ZSCAN25: variants seen among roughly 807,000 people sequenced by gnomAD.
ZSCAN25 encodes the protein zinc finger and SCAN domain containing 25.
A neutral mutation model predicts 38.7 loss-of-function variants in ZSCAN25; 27 were observed. The ratio of observed to expected loss-of-function variants is 0.70; its 90% CI spans 0.51 to 0.96. The LOEUF is 0.96. Among genes scored for constraint, ZSCAN25 ranks in the 40% least tolerant of loss-of-function variants. ZSCAN25 has a pLI of 0.00. For synonymous variants in ZSCAN25, 273 were observed against 277.7 expected, an observed-to-expected ratio of 0.98 and a Z score of 0.17; for missense variants, 637 against 705.9, an observed-to-expected ratio of 0.90 and a Z score of 1.11.
the ZSCAN25 span, among the ~76,000 whole-genome samples, chr7:99,642,231 C>T: frequency 6.6e-6 from 1 of 152,236 alleles, no homozygotes; most frequent in South Asian, 2.1e-4. Context: ...TCCAGTTCCT[C>T]TCCTCTTGAA....
chr7:99,705,579 C>T, the ZSCAN25 span: 25 of 1,613,132 alleles, frequency 1.5e-5, no homozygotes, highest in East Asian at 1.1e-4. Context: ...TCCTCCAAAG[C>T]GTAATTTCAG....
At chr7:99,655,191 C>T in the ZSCAN25 span, among the ~76,000 whole-genome samples, 9 of 152,140 alleles carry the variant, frequency 5.9e-5, no homozygotes, top group African/African-American at 2.2e-4. Context: ...AGGTTTTCTT[C>T]TAGGGTTTTT....
At chr7:99,649,135 G>A in the ZSCAN25 span, among the ~76,000 whole-genome samples, 1 of 152,130 alleles carries the variant, frequency 6.6e-6, no homozygotes, top group African/African-American at 2.4e-5. Context: ...AGCCTGAGAT[G>A]CCTGAGAGCT....
At position 99,632,081 on chromosome 7, in the gene ZSCAN25, C is replaced by T; in HGVS notation, c.*2061C>T. 2.0e-6 allele frequency: 2 copies of T among 985,388 alleles called. No homozygotes were observed. Among genetic ancestry groups the T allele is most frequent in the African/African-American group, 3.5e-5 (2 of 57,326 alleles). 61.0% of individuals were successfully genotyped at this position (985,388 alleles called of 1,614,324 possible). A position where few individuals can be genotyped will look rare whatever the true frequency, so the allele number is the denominator to read the frequency against. On this transcript the variant is annotated 3_prime_UTR_variant, in exon 8 of 8. Coordinates refer to ENST00000394152, the MANE Select transcript of ZSCAN25 (RefSeq NM_145115.3). ...CAGATGCTCTTTTGTCATACACAGC[C>T]AGCATTCCTCTGGGTTTCAGCAAGT...
chr7:99,733,340 G>A, the ZSCAN25 span, among the ~76,000 whole-genome samples: 3 of 152,188 alleles, frequency 2.0e-5, no homozygotes, highest in Admixed American at 6.5e-5. Flanking sequence ...ATGATTCCAC[G>A]TCAAGGCAGA....
At chr7:99,705,362 C>G in the ZSCAN25 span, 1 of 994,576 alleles carries the variant, frequency 1.0e-6, no homozygotes, top group Non-Finnish European at 1.5e-6. Flanking sequence ...AATGCACGTA[C>G]AGAATCCCTG....
the ZSCAN25 span, among the ~76,000 whole-genome samples, chr7:99,667,424 AC>A: frequency 6.6e-6 from 1 of 152,222 alleles, no homozygotes; most frequent in Admixed American, 6.5e-5. Flanking sequence ...AGGATTGGTG[AC>A]AGATGGGCAG....
At chr7:99,699,891 A>T in the ZSCAN25 span, 4 of 953,988 alleles carry the variant, frequency 4.2e-6, no homozygotes, top group Non-Finnish European at 6.9e-6. Context: ...TTTAAAACAG[A>T]TGAGGGAACA....
the ZSCAN25 span, chr7:99,652,370 G>T: frequency 2.0e-6 from 1 of 490,726 alleles, no homozygotes; most frequent in Non-Finnish European, 3.6e-6. Flanking sequence ...ACTGTGGATG[G>T]ATGTAGTTTC....
chr7:99,662,478 G>A, the ZSCAN25 span, among the ~76,000 whole-genome samples: 17 of 152,254 alleles, frequency 1.1e-4, no homozygotes, highest in East Asian at 3.9e-4. This position sits in a 1 kb window ranked among gnomAD's most constrained non-coding sequence, Gnocchi z 4.3. Context: ...CTTCCTGATC[G>A]GTATGTTTGA....
At chr7:99,654,833 G>A in the ZSCAN25 span, among the ~76,000 whole-genome samples, 1 of 152,206 alleles carries the variant, frequency 6.6e-6, no homozygotes, top group Non-Finnish European at 1.5e-5. Flanking sequence ...TTGATGGCCA[G>A]TGATGATGAA....
the ZSCAN25 span, among the ~76,000 whole-genome samples, chr7:99,686,147 AGACAGTGGGTGCAG>A: frequency 1.3e-5 from 2 of 152,160 alleles, no homozygotes; most frequent in South Asian, 2.1e-4. Flanking sequence ...AGGGAGTGCC[AGACAGTGGGTGCAG>A]GACAGTGGGT....
chr7:99,710,928 G>C, the ZSCAN25 span: 1 of 1,613,158 alleles, frequency 6.2e-7, no homozygotes, highest in Non-Finnish European at 8.5e-7. Flanking sequence ...GGTAAATCAG[G>C]TCAATGTAGG....
chr7:99,663,047 TA>T, the ZSCAN25 span: 42 of 1,364,854 alleles, frequency 3.1e-5, no homozygotes, highest in Non-Finnish European at 3.7e-5. Flanking sequence ...AACATTCATC[TA>T]AATCCTTGGA....
chr7:99,632,298 G>A lies in ZSCAN25; in HGVS notation c.*2278G>A. The A allele has an allele frequency of 1.0e-6, 1 of 965,108 alleles. No homozygotes were observed. Among genetic ancestry groups the A allele is most frequent in the Non-Finnish European group, 1.2e-6 (1 of 811,682 alleles). 59.8% of individuals were successfully genotyped at this position (965,108 alleles called of 1,614,324 possible). A position where few individuals can be genotyped will look rare whatever the true frequency, so the allele number is the denominator to read the frequency against. On this transcript the variant is annotated 3_prime_UTR_variant, in exon 8 of 8. Coordinates refer to ENST00000394152, the MANE Select transcript of ZSCAN25 (RefSeq NM_145115.3). ...AATGTTAAGAAATATTTTGTTTTCT[G>A]TATTTTTCTATTCTTTAGAAATTTT...
the ZSCAN25 span, chr7:99,650,059 G>A: frequency 6.2e-6 from 10 of 1,613,626 alleles, no homozygotes; most frequent in Non-Finnish European, 8.5e-6. Context: ...AAAACATACA[G>A]AAAGTGTACT....
chr7:99,629,172 A>G lies in ZSCAN25; in HGVS notation c.806-19A>G, dbSNP rs545808908. 6.3e-7 allele frequency: 1 copy of G among 1,575,624 alleles called. No individual in the cohort carries two copies. Among genetic ancestry groups the G allele is most frequent in the South Asian group, 1.2e-5 (1 of 85,320 alleles). On this transcript the variant is annotated intron_variant, in intron 7 of 7. Transcript: ENST00000394152. The surrounding 1 kb of genome is among the most constrained non-coding windows in gnomAD (Gnocchi z 5.6). ...TGCGGCTACCACAGAATCAATCTTT[A>G]TCTCCTCCTGTCCTGTAGGCGGTGG...
At chr7:99,657,081 C>A in the ZSCAN25 span, among the ~76,000 whole-genome samples, 2 of 152,090 alleles carry the variant, frequency 1.3e-5, no homozygotes, top group African/African-American at 4.8e-5. Context: ...TCTCTGTTTC[C>A]TTCAGTTCTG....
At chr7:99,659,701 C>T in the ZSCAN25 span, 2 of 152,592 alleles carry the variant, frequency 1.3e-5, no homozygotes, top group Admixed American at 6.5e-5. Flanking sequence ...GGCAGACCTC[C>T]TTGAGCTGCG....
Sources: gnomAD v4.1 joint callset for allele counts (sites outside exome capture counted in the v4.1 genomes callset) on GRCh38, gnomAD v4.1.1 for gene constraint, Gnocchi (gnomAD v3.1) non-coding constraint, MANE v1.5 for transcripts, NCBI Gene and HGNC (gene_info 2026-07-23, HGNC 2026-07-21) for gene names.